The following TEC variants were observed in gnomAD, a reference collection of about 807,000 sequenced individuals.
TEC encodes the protein tyrosine-protein kinase Tec.
Under a neutral mutation model 93.0 loss-of-function variants are expected in TEC, and 72 were observed. That is an observed-to-expected ratio of 0.77 (90% CI 0.64 to 0.94). The LOEUF (loss-of-function observed/expected upper bound fraction) is 0.94. Ranked by LOEUF, TEC falls within the 40% of genes least tolerant of loss-of-function variation. TEC has a pLI of 0.00. For synonymous variants in TEC, 249 were observed against 247.7 expected (o/e 1.01, Z -0.05); for missense variants, 630 against 757.9 (o/e 0.83, Z 1.98).
At chr4:48,185,461 T>C (rs1215202482) in intron 2 of TEC, among the ~76,000 whole-genome samples, 3 of 152,230 alleles carry the variant, frequency 2.0e-5, no homozygotes, top group Admixed American at 2.0e-4. Flanking sequence ...TCCAATTTGA[T>C]GATTCTATGA....
At chr4:48,170,157 G>A (rs1009608672) in intron 5 of TEC, 91 bp downstream of exon 5, 66 of 1,117,608 alleles carry the variant, frequency 5.9e-5, no homozygotes, top group Non-Finnish European at 8.0e-5. Flanking sequence ...AAAGTGTGCT[G>A]TACTTAATCA....
At chr4:48,247,372 C>A (rs1724082479) in intron 1 of TEC, among the ~76,000 whole-genome samples, 1 of 152,174 alleles carries the variant, frequency 6.6e-6, no homozygotes, top group African/African-American at 2.4e-5. Context: ...TATGACTCAG[C>A]ATTTCCACTC....
chr4:48,221,806 C>T (rs1723271021), intron 2 of TEC, among the ~76,000 whole-genome samples: 1 of 152,098 alleles, frequency 6.6e-6, no homozygotes, highest in African/African-American at 2.4e-5. Context: ...CCCTGACAAC[C>T]AGATCCCCCA....
chr4:48,208,672 C>T (rs1722794953), intron 2 of TEC, among the ~76,000 whole-genome samples: 1 of 152,162 alleles, frequency 6.6e-6, no homozygotes, highest in South Asian at 2.1e-4. Context: ...GCAGGCAAGG[C>T]CCCATCTCTC....
chr4:48,267,060 A>G (rs1724658293), intron 1 of TEC, among the ~76,000 whole-genome samples: 1 of 152,254 alleles, frequency 6.6e-6, no homozygotes, highest in Non-Finnish European at 1.5e-5. Flanking sequence ...ATCAACTATA[A>G]GCCACAAATG....
At position 48,157,552 on chromosome 4, in the gene TEC, A is replaced by G. The variant is rs1042187886; in HGVS notation, c.738-818T>C. On this transcript the variant is annotated intron_variant, in intron 8 of 17. Coordinates refer to ENST00000381501, the MANE Select transcript of TEC (RefSeq NM_003215.3). ...TTTTTTTGAGACAGAGTCTTGCTCC[A>G]TTACCCAGACTAAAGTGCAGTAGTG... Among the ~76,000 whole-genome samples, 51 of 152,146 alleles carry G rather than the reference A, an allele frequency of 3.4e-4. 1 individual carries two copies. The highest frequency in any genetic ancestry group is 2.9e-5 in the Non-Finnish European group (2 of 68,032).
At chr4:48,221,995 G>T (rs1346793397) in intron 2 of TEC, among the ~76,000 whole-genome samples, 1 of 152,184 alleles carries the variant, frequency 6.6e-6, no homozygotes, top group Non-Finnish European at 1.5e-5. Context: ...ATAATAATGT[G>T]TACAGAGCAC....
At chr4:48,172,435 C>CTTTT (rs71654897) in intron 3 of TEC, among the ~76,000 whole-genome samples, 2 of 146,852 alleles carry the variant, frequency 1.4e-5, no homozygotes, top group Non-Finnish European at 1.5e-5. Flanking sequence ...AAGGAATGTA[C>CTTTT]TTTTTTTTTT....
chr4:48,182,969 G>A (rs1721654066), intron 2 of TEC, among the ~76,000 whole-genome samples: 1 of 152,160 alleles, frequency 6.6e-6, no homozygotes, highest in African/African-American at 2.4e-5. Flanking sequence ...AGGCTTGCCA[G>A]GGTGTCCCTC....
At chr4:48,197,183 A>C (rs1240645378) in intron 2 of TEC, among the ~76,000 whole-genome samples, 1 of 152,232 alleles carries the variant, frequency 6.6e-6, no homozygotes, top group African/African-American at 2.4e-5. Flanking sequence ...TTGGTAGCCC[A>C]AAAAATATCA....
At chr4:48,190,770 A>C (rs1425238066) in intron 2 of TEC, among the ~76,000 whole-genome samples, 5 of 152,210 alleles carry the variant, frequency 3.3e-5, no homozygotes, top group Non-Finnish European at 7.3e-5. Context: ...AAGTGACTAG[A>C]AACAGGCTGG....
At chr4:48,173,860 A>G (rs1029285346) in intron 3 of TEC, among the ~76,000 whole-genome samples, 1 of 152,170 alleles carries the variant, frequency 6.6e-6, no homozygotes, top group African/African-American at 2.4e-5. Context: ...ATGAAGGAGC[A>G]ACCATCCCAT....
chr4:48,170,536 T>A (rs1184926176), intron 4 of TEC, among the ~76,000 whole-genome samples, 160 bp from the exon 5 acceptor site: 2 of 152,198 alleles, frequency 1.3e-5, no homozygotes, highest in African/African-American at 4.8e-5. Flanking sequence ...GCTCTATAGT[T>A]CTCTTTGACC....
intron 2 of TEC, among the ~76,000 whole-genome samples, chr4:48,217,388 T>A (rs919647304): frequency 5.3e-5 from 8 of 152,152 alleles, no homozygotes; most frequent in African/African-American, 1.9e-4. Context: ...AGGCGTGAGA[T>A]ACCGCGCCCA....
chr4:48,203,230 T>C (rs946239253), intron 2 of TEC, among the ~76,000 whole-genome samples: 11 of 152,032 alleles, frequency 7.2e-5, no homozygotes, highest in African/African-American at 2.4e-4. Flanking sequence ...CTGGGTACAG[T>C]GGTGTGCACC....
At chr4:48,154,916 C>T (rs1560378756) in intron 9 of TEC, among the ~76,000 whole-genome samples, 1 of 152,140 alleles carries the variant, frequency 6.6e-6, no homozygotes, top group South Asian at 2.1e-4. Context: ...ACTTAAAAAG[C>T]TAAAAGACAG....
intron 2 of TEC, among the ~76,000 whole-genome samples, chr4:48,179,546 G>A (rs1208048797): frequency 2.7e-5 from 4 of 150,872 alleles, no homozygotes; most frequent in Non-Finnish European, 4.4e-5. Flanking sequence ...GTGCCACCAC[G>A]CCCAGCTAAA....
chr4:48,214,420 C>CAGA (rs1299337231), intron 2 of TEC, among the ~76,000 whole-genome samples: 3 of 152,322 alleles, frequency 2.0e-5, no homozygotes, highest in Non-Finnish European at 4.4e-5. Context: ...GTGACAAGCA[C>CAGA]AGACAGTCCC....
In TEC at chr4:48,137,078, C is replaced by A; in HGVS notation, c.*338G>T. On this transcript the variant is annotated 3_prime_UTR_variant, in exon 18 of 18. Transcript: ENST00000381501. Reference sequence around the variant, plus strand: ...TCCCCTTCCCAAATACCCTGGCCTTCAACTGGCATCAGCTAACATGGTCCC... The same window carrying A: ...TCCCCTTCCCAAATACCCTGGCCTTAAACTGGCATCAGCTAACATGGTCCC... The A allele has an allele frequency of 4.4e-6, 1 of 225,464 alleles. No individual in the cohort carries two copies. Among genetic ancestry groups the A allele is most frequent in the Non-Finnish European group, 8.7e-6 (1 of 115,378 alleles). 14.0% of individuals were successfully genotyped at this position (225,464 alleles called of 1,614,324 possible). A position where few individuals can be genotyped will look rare whatever the true frequency, so the allele number is the denominator to read the frequency against.
Sources: allele counts gnomAD v4.1 joint callset (sites outside exome capture counted in the v4.1 genomes callset), GRCh38; gene constraint gnomAD v4.1.1; transcripts MANE v1.5; gene names NCBI Gene and HGNC (gene_info 2026-07-23, HGNC 2026-07-21).